The following UPF1 variants were observed in gnomAD, a reference collection of about 807,000 sequenced individuals.
UPF1 encodes UPF1 RNA helicase and ATPase.
A neutral mutation model predicts 129.2 loss-of-function variants in UPF1; 9 were observed. The ratio of observed to expected loss-of-function variants is 0.07; its 90% CI spans 0.04 to 0.12. The LOEUF is 0.12. Ranked by LOEUF, UPF1 falls within the 10% of genes least tolerant of loss-of-function variation. UPF1 has a pLI of 1.00. For synonymous variants in UPF1, 649 were observed against 644.9 expected (o/e 1.01, Z -0.10); for missense variants, 788 against 1,525.3 (o/e 0.52, Z 8.05).
intron 9 of UPF1, 73 bp downstream of exon 9, chr19:18,854,782 A>G: frequency 3.1e-6 from 5 of 1,605,626 alleles, no homozygotes; most frequent in Middle Eastern, 1.7e-4. Flanking sequence ...CCTCCCCGTC[A>G]CTGTGGAGTG....
chr19:18,856,036 C>T lies in UPF1; in HGVS notation c.1656C>T (p.Ile552=), dbSNP rs767722084. 8 of 1,614,074 alleles carry T rather than the reference C, an allele frequency of 5.0e-6. No homozygotes were observed. In the East Asian group the frequency reaches 8.9e-5, roughly 18 times the overall value. The change falls in exon 12 of 24, where the codon ATC becomes ATT. Residue 552 remains isoleucine, a synonymous_variant. Coordinates refer to ENST00000262803, the MANE Select transcript of UPF1 (RefSeq NM_002911.4). The part of the protein sequence containing the change: ...VRLCAKSREA[I]DSPVSFLALH... ...TCTGCGCCAAGAGCCGTGAGGCCAT[C>T]GACTCCCCGGTGTCTTTTCTGGCCC...
chr19:18,854,590 T>C lies in UPF1; in HGVS notation c.1157-11T>C, dbSNP rs1340998312. On this transcript the variant is annotated splice_polypyrimidine_tract_variant and intron_variant, in intron 8 of 23. Coordinates refer to ENST00000262803, the MANE Select transcript of UPF1 (RefSeq NM_002911.4). ...CTTTTGACAAGGATGCAAACTTAAC[T>C]CAGCACACAGATTATGGCGATGAGA... is the stretch of plus-strand genomic sequence containing the variant. 2 of 1,600,972 alleles carry C rather than the reference T, an allele frequency of 1.2e-6. No homozygotes were observed. The highest frequency in any genetic ancestry group is 2.7e-5 in the African/African-American group (2 of 74,594).
rs867687882 is a variant in UPF1, at chr19:18,868,147, A to G, written c.*1630A>G. The stretch of plus-strand genomic sequence containing the variant: ...CAGCAGCCTTGACAAACCCAGGCGC[A>G]CTGTACCAAGGCAATGTAACTTTTG... On this transcript the variant is annotated 3_prime_UTR_variant, in exon 24 of 24. Coordinates refer to ENST00000262803, the MANE Select transcript of UPF1 (RefSeq NM_002911.4). The G allele has an allele frequency of 2.0e-5, 4 of 198,460 alleles. No individual in the cohort carries two copies. Among genetic ancestry groups the G allele is most frequent in the Middle Eastern group, 4.2e-3 (2 of 472 alleles). 12.3% of individuals were successfully genotyped at this position (198,460 alleles called of 1,614,324 possible).
In UPF1 at chr19:18,839,937, C is replaced by T. The variant is rs558036410; in HGVS notation, c.232-6043C>T. 3.9e-5 allele frequency among the ~76,000 whole-genome samples: 6 copies of T among 152,260 alleles called. No individual in the cohort carries two copies. In the South Asian group the frequency reaches 1.2e-3, roughly 32 times the overall value. ...TGGCGCCTCTGGAGTTGTTCAGAAG[C>T]TGTACCTGCCAGGCAGAGGGGTGGG... On this transcript the variant is annotated intron_variant, in intron 1 of 23. Transcript: ENST00000262803.
chr19:18,832,439 A>C lies in UPF1; in HGVS notation c.230A>C (p.Gln77Pro). The change falls in exon 1 of 24, where the codon CAG becomes CCG. Residue 77 changes from glutamine (Q) to proline (P), a missense_variant and splice_region_variant. Coordinates refer to ENST00000262803, the MANE Select transcript of UPF1 (RefSeq NM_002911.4). This position sits in a 1 kb window ranked among gnomAD's most constrained non-coding sequence, Gnocchi z 5.6. ...GCTGCGGCGGGACAGCTCGACGCGCAGGTGAGCGGCACATGGCGGTGCCGG... is the reference window on the plus strand; with the variant it reads ...GCTGCGGCGGGACAGCTCGACGCGCCGGTGAGCGGCACATGGCGGTGCCGG... ...AGAAAGQLDAQVGPEGILQNG... is the reference protein window; with the variant it reads ...AGAAAGQLDAPVGPEGILQNG... 4.0e-6 allele frequency: 4 copies of C among 996,750 alleles called. No individual in the cohort carries two copies. The South Asian group carries it at 1.8e-4, about 45-fold the overall frequency. 61.7% of individuals were successfully genotyped at this position (996,750 alleles called of 1,614,324 possible). A position where few individuals can be genotyped will look rare whatever the true frequency, so the allele number is the denominator to read the frequency against.
At chr19:18,835,182 G>A (rs926576368) in intron 1 of UPF1, among the ~76,000 whole-genome samples, 12 of 152,072 alleles carry the variant, frequency 7.9e-5, no homozygotes, top group African/African-American at 2.9e-4. Flanking sequence ...TCACATCAAC[G>A]GAATCATATC....
intron 15 of UPF1, among the ~76,000 whole-genome samples, chr19:18,858,691 G>A (rs2055744459): frequency 6.6e-6 from 1 of 152,144 alleles, no homozygotes; most frequent in Non-Finnish European, 1.5e-5. Flanking sequence ...ACTGAGCAGA[G>A]GTGGACCCCA....
chr19:18,848,859 T>A (rs2055627701), intron 3 of UPF1: 1 of 152,242 alleles, frequency 6.6e-6, no homozygotes, highest in African/African-American at 2.4e-5. Context: ...GTTGCTATGT[T>A]TGCATTTAGT....
intron 11 of UPF1, chr19:18,855,451 GT>G: frequency 1.6e-6 from 1 of 639,062 alleles, no homozygotes; most frequent in Non-Finnish European, 2.7e-6. Flanking sequence ...TCTGCTACTG[GT>G]TTAGAAAACT....
rs1253245595 is a variant in UPF1, at chr19:18,862,223, G to A, written c.2600+71G>A. On this transcript the variant is annotated intron_variant, in intron 18 of 23. Transcript: ENST00000262803. ...TCACTTCCCAGGGAATTTGGGGCTA[G>A]GGTTGGGGGTTGCCAGGGCCAGAGG... 3.8e-6 allele frequency: 6 copies of A among 1,575,592 alleles called. No individual in the cohort carries two copies. The South Asian group carries it at 5.8e-5, about 15-fold the overall frequency.
intron 11 of UPF1, 137 bp downstream of exon 11, chr19:18,855,379 C>T (rs1418299249): frequency 1.3e-5 from 12 of 889,794 alleles, no homozygotes; most frequent in South Asian, 5.1e-5. Flanking sequence ...TGGTGCCTAC[C>T]GCTCTCTATG....
chr19:18,836,966 A>G (rs2055490144), intron 1 of UPF1, among the ~76,000 whole-genome samples: 1 of 150,670 alleles, frequency 6.6e-6, no homozygotes, highest in Admixed American at 6.6e-5. Context: ...GTTAGTCAGG[A>G]TGGTCTTGAT....
At chr19:18,854,784 T>C (rs2055697480) in intron 9 of UPF1, 75 bp downstream of exon 9, 2 of 1,605,380 alleles carry the variant, frequency 1.2e-6, no homozygotes, top group African/African-American at 1.3e-5. Context: ...TCCCCGTCAC[T>C]GTGGAGTGGG....
Position 18,867,106 on chromosome 19 carries a change from GAATACTT to G in UPF1, c.*590_*596del, listed in dbSNP as rs1405746191. 6.6e-6 allele frequency: 1 copy of G among 152,612 alleles called. No homozygotes were observed. Among genetic ancestry groups the G allele is most frequent in the African/African-American group, 2.4e-5 (1 of 41,476 alleles). The allele number at this position is 152,612 out of a possible 1,614,324, so 9.5% of individuals were successfully genotyped here. On this transcript the variant is annotated 3_prime_UTR_variant, in exon 24 of 24. Transcript: ENST00000262803. Reference sequence around the variant, plus strand: ...AAGATTCTTTTAAAGGAGTACTGAAGAATACTTTCCTAAGTTTGTCTGTAAAATCTTA... The same window carrying G: ...AAGATTCTTTTAAAGGAGTACTGAAGTCCTAAGTTTGTCTGTAAAATCTTA...
chr19:18,847,298 G>A (rs1032409124), intron 2 of UPF1, among the ~76,000 whole-genome samples: 1 of 152,212 alleles, frequency 6.6e-6, no homozygotes, highest in Non-Finnish European at 1.5e-5. Flanking sequence ...GCTCTCCCGA[G>A]GCTCCTCGCT....
chr19:18,834,917 G>T (rs2055467509), intron 1 of UPF1, among the ~76,000 whole-genome samples: 2 of 152,126 alleles, frequency 1.3e-5, no homozygotes, highest in African/African-American at 2.4e-5. Flanking sequence ...GTGCCCTGCA[G>T]TCACTTTTGC....
intron 1 of UPF1, among the ~76,000 whole-genome samples, chr19:18,842,232 C>T (rs926857156): frequency 6.6e-6 from 1 of 152,168 alleles, no homozygotes; most frequent in African/African-American, 2.4e-5. Context: ...TCACAAATCA[C>T]GTGCAGTCAT....
chr19:18,832,371 GGGCGGT>G lies in UPF1; in HGVS notation c.168_173del (p.Gly57_Gly58del), dbSNP rs1568266016. On this transcript the variant is annotated inframe_deletion, in exon 1 of 24. Transcript: ENST00000262803. The surrounding 1 kb of genome is among the most constrained non-coding windows in gnomAD (Gnocchi z 5.6). ...CGCCCCCCGGCGGCCCCGGCGGCCC[GGGCGGT>G]GGCGGCGCGGGAGGCCCGGGCGGCG... The G allele has an allele frequency of 7.9e-7, 1 of 1,263,388 alleles. No homozygotes were observed. The highest frequency in any genetic ancestry group is 2.0e-5 in the South Asian group (1 of 49,550). 78.3% of individuals were successfully genotyped at this position (1,263,388 alleles called of 1,614,324 possible).
intron 1 of UPF1, among the ~76,000 whole-genome samples, chr19:18,836,784 C>T (rs1006933205): frequency 1.9e-4 from 27 of 144,156 alleles, no homozygotes; most frequent in Non-Finnish European, 3.6e-4. Flanking sequence ...GACGGAGTCT[C>T]GCTCTGTTGC....
Sources: gnomAD v4.1 joint callset for allele counts (sites outside exome capture counted in the v4.1 genomes callset) on GRCh38, gnomAD v4.1.1 for gene constraint, Gnocchi (gnomAD v3.1) non-coding constraint, MANE v1.5 for transcripts, NCBI Gene and HGNC (gene_info 2026-07-23, HGNC 2026-07-21) for gene names.